ZSCAN25: variants seen among roughly 807,000 people sequenced by gnomAD.
ZSCAN25 encodes the protein zinc finger and SCAN domain-containing protein 25.
A neutral mutation model predicts 38.7 loss-of-function variants in ZSCAN25; 27 were observed. The ratio of observed to expected loss-of-function variants is 0.70; its 90% CI spans 0.51 to 0.96. The LOEUF (loss-of-function observed/expected upper bound fraction) is 0.96. Ranked by LOEUF, ZSCAN25 falls within the 40% of genes least tolerant of loss-of-function variation. The pLI is 0.00. For synonymous variants in ZSCAN25, 273 were observed against 277.7 expected, an observed-to-expected ratio of 0.98 and a Z score of 0.17; for missense variants, 637 against 705.9, an observed-to-expected ratio of 0.90 and a Z score of 1.11.
the ZSCAN25 span, among the ~76,000 whole-genome samples, chr7:99,691,001 T>C: frequency 6.6e-6 from 1 of 152,218 alleles, no homozygotes; most frequent in East Asian, 1.9e-4. Flanking sequence ...CACTTATGTT[T>C]ATTGTGGCAC....
At chr7:99,664,568 T>G in the ZSCAN25 span, among the ~76,000 whole-genome samples, 1 of 152,036 alleles carries the variant, frequency 6.6e-6, no homozygotes, top group Non-Finnish European at 1.5e-5. Flanking sequence ...AACAATACAG[T>G]TTTAAGTGAC....
At position 99,619,636 on chromosome 7, in the gene ZSCAN25, AG is replaced by A. The variant is rs758376500; in HGVS notation, c.31del (p.Ala11LeufsTer11). 6.2e-7 allele frequency: 1 copy of A among 1,613,990 alleles called. No individual in the cohort carries two copies. The highest frequency in any genetic ancestry group is 8.5e-7 in the Non-Finnish European group (1 of 1,179,862). On this transcript the variant is annotated frameshift_variant, in exon 4 of 8. Coordinates refer to ENST00000394152, the MANE Select transcript of ZSCAN25 (RefSeq NM_145115.3). LOFTEE classifies it high-confidence loss of function. MLKEHPEMAE[A>X]PQQQLGIPVV... Reference sequence around the variant, plus strand: ...TTAAAGAGCATCCAGAGATGGCGGAAGCTCCTCAGCAGCAGTTGGGTATTCC... The same window carrying A: ...TTAAAGAGCATCCAGAGATGGCGGAACTCCTCAGCAGCAGTTGGGTATTCC...
At chr7:99,622,442 C>T (rs1271952498) in intron 5 of ZSCAN25, 107 bp from the exon 6 acceptor site, 6 of 1,009,288 alleles carry the variant, frequency 5.9e-6, no homozygotes, top group African/African-American at 1.6e-5. Context: ...CTGGAGTCTT[C>T]TGGTTCCTGA....
chr7:99,619,272 A>G (rs530057778), intron 3 of ZSCAN25, 140 bp downstream of exon 3: 1 of 228,692 alleles, frequency 4.4e-6, no homozygotes, highest in East Asian at 1.1e-4. Context: ...TCACCCAGTT[A>G]TAACCCATTA....
At chr7:99,704,746 A>C in the ZSCAN25 span, among the ~76,000 whole-genome samples, 6 of 152,112 alleles carry the variant, frequency 3.9e-5, no homozygotes, top group South Asian at 1.2e-3. Flanking sequence ...GGTGGATCAT[A>C]AGGTCAGGAG....
chr7:99,634,745 C>T (rs1327515059), downstream of ZSCAN25, among the ~76,000 whole-genome samples: 2 of 152,100 alleles, frequency 1.3e-5, no homozygotes, highest in Admixed American at 6.5e-5. Flanking sequence ...TGCAGTGAGC[C>T]GAGATCGCAC....
the ZSCAN25 span, among the ~76,000 whole-genome samples, chr7:99,652,051 T>C: frequency 6.6e-6 from 1 of 152,142 alleles, no homozygotes; most frequent in African/African-American, 2.4e-5. Flanking sequence ...TTAAAGTTTC[T>C]GTTAAATTCA....
At chr7:99,669,831 A>G in the ZSCAN25 span, among the ~76,000 whole-genome samples, 23 of 152,246 alleles carry the variant, frequency 1.5e-4, no homozygotes, top group African/African-American at 5.5e-4. Context: ...CTTTGTAAAC[A>G]TATGTGATAT....
At chr7:99,705,620 G>A in the ZSCAN25 span, 1 of 1,611,034 alleles carries the variant, frequency 6.2e-7, no homozygotes, top group African/African-American at 1.3e-5. Flanking sequence ...CGAGCATATT[G>A]AGAAGCATTA....
chr7:99,619,786 T>C lies in ZSCAN25; in HGVS notation c.180T>C (p.Leu60=), dbSNP rs764582520. 3 of 1,614,072 alleles carry C rather than the reference T, an allele frequency of 1.9e-6. No homozygotes were observed. In the African/African-American group the frequency reaches 4.0e-5, roughly 22 times the overall value. The change falls in exon 4 of 8, where the codon CTT becomes CTC. Residue 60 remains leucine, a synonymous_variant. Transcript: ENST00000394152. ...YQEAAGPQEA[L]RELQELCRRW... The stretch of plus-strand genomic sequence containing the variant: ...AGGCAGCTGGACCCCAGGAAGCTCT[T>C]AGGGAGCTCCAGGAGCTCTGTCGTC...
the ZSCAN25 span, among the ~76,000 whole-genome samples, chr7:99,654,610 C>T: frequency 2.0e-5 from 3 of 152,202 alleles, no homozygotes; most frequent in African/African-American, 7.2e-5. Flanking sequence ...AATGGGATGG[C>T]TGGGTCAAAT....
the ZSCAN25 span, chr7:99,676,633 T>A: frequency 2.5e-5 from 26 of 1,057,268 alleles, no homozygotes; most frequent in South Asian, 3.2e-4. Flanking sequence ...AGATTTTGCA[T>A]CACTGTATGC....
At chr7:99,730,812 G>T in the ZSCAN25 span, 1 of 481,734 alleles carries the variant, frequency 2.1e-6, no homozygotes, top group Admixed American at 3.3e-5. Context: ...TGCACATCAA[G>T]TTGTGAACAT....
chr7:99,676,521 C>T, the ZSCAN25 span: 11 of 1,373,520 alleles, frequency 8.0e-6, no homozygotes, highest in Middle Eastern at 6.1e-4. Flanking sequence ...CAGGACACTT[C>T]ATTTCCTTAT....
the ZSCAN25 span, among the ~76,000 whole-genome samples, chr7:99,642,981 ATAT>A: frequency 6.6e-6 from 1 of 152,092 alleles, no homozygotes; most frequent in Admixed American, 6.5e-5. Flanking sequence ...CACATAGGAG[ATAT>A]TATTATTATT....
chr7:99,679,996 C>T, the ZSCAN25 span: 13 of 984,068 alleles, frequency 1.3e-5, no homozygotes, highest in African/African-American at 2.1e-4. Context: ...CCCTGCACAG[C>T]AGTCTTCAGC....
chr7:99,725,152 T>C, the ZSCAN25 span, among the ~76,000 whole-genome samples: 2 of 152,120 alleles, frequency 1.3e-5, no homozygotes, highest in Non-Finnish European at 2.9e-5. Flanking sequence ...TAAAGGAAAC[T>C]ACCCAAGGTA....
chr7:99,698,999 G>C, the ZSCAN25 span, among the ~76,000 whole-genome samples: 1 of 152,172 alleles, frequency 6.6e-6, no homozygotes, highest in Non-Finnish European at 1.5e-5. Flanking sequence ...AATGGGACAG[G>C]TGGAGCCTCC....
chr7:99,657,338 G>T, the ZSCAN25 span, among the ~76,000 whole-genome samples: 1 of 152,064 alleles, frequency 6.6e-6, no homozygotes, highest in Non-Finnish European at 1.5e-5. Flanking sequence ...ATTTCGTTAT[G>T]TACCCAGTAG....
Sources: allele counts gnomAD v4.1 joint callset (sites outside exome capture counted in the v4.1 genomes callset), GRCh38; gene constraint gnomAD v4.1.1; transcripts MANE v1.5; gene names NCBI Gene and HGNC (gene_info 2026-07-23, HGNC 2026-07-21).